Variants in PIK3CG observed in about 807,000 individuals in gnomAD.
The protein encoded by PIK3CG is phosphatidylinositol 4,5-bisphosphate 3-kinase catalytic subunit gamma isoform.
A neutral mutation model predicts 102.3 loss-of-function variants in PIK3CG; 55 were observed. The ratio of observed to expected loss-of-function variants is 0.54; its 90% CI spans 0.43 to 0.67. The LOEUF is 0.67. Among genes scored for constraint, PIK3CG ranks in the 30% least tolerant of loss-of-function variants. The probability of loss-of-function intolerance (pLI) is 0.00; values close to 1 mark genes in which losing one functional copy is unlikely to be tolerated. For missense variants in PIK3CG, 1,258 were observed against 1,391.8 expected (o/e 0.90, Z 1.53); for synonymous variants, 552 against 540.0 (o/e 1.02, Z -0.31).
At chr7:106,873,579 C>A (rs760339510) in intron 4 of PIK3CG, among the ~76,000 whole-genome samples, 3 of 152,090 alleles carry the variant, frequency 2.0e-5, no homozygotes, top group Non-Finnish European at 4.4e-5. Flanking sequence ...AGATGATTTA[C>A]AGTATATGGG....
At position 106,907,868 on chromosome 7, in the gene PIK3CG, C is replaced by G. The variant is rs1047158303; in HGVS notation, c.*2481C>G. Among the ~76,000 whole-genome samples, 1 of 141,170 alleles carries G rather than the reference C, an allele frequency of 7.1e-6. No homozygotes were observed. Among genetic ancestry groups the G allele is most frequent in the African/African-American group, 2.6e-5 (1 of 39,118 alleles). The allele number at this position is 141,170 out of a possible 152,430, so 92.6% of individuals were successfully genotyped here. The stretch of plus-strand genomic sequence containing the variant: ...TATATATATATATATCACAGTTGGG[C>G]TTGATTCTTCCGTATTCCAAAGAGC... On this transcript the variant is annotated 3_prime_UTR_variant, in exon 11 of 11. Coordinates refer to ENST00000496166, the MANE Select transcript of PIK3CG (RefSeq NM_001282426.2).
chr7:106,883,220 CAGT>C lies in PIK3CG; in HGVS notation c.2760+61_2760+63del. ...TCCTTACAAGTTGTCATTTATATAG[CAGT>C]AGTGGCTTCAAGTTTTCAGAGAATC... is the stretch of plus-strand genomic sequence containing the variant. On this transcript the variant is annotated intron_variant, in intron 8 of 10. Transcript: ENST00000496166. The surrounding 1 kb of genome is among the most constrained non-coding windows in gnomAD (Gnocchi z 5.8). 1 of 1,573,088 alleles carries C rather than the reference CAGT, an allele frequency of 6.4e-7. No homozygotes were observed. The highest frequency in any genetic ancestry group is 8.7e-7 in the Non-Finnish European group (1 of 1,146,588).
rs1359459537 is a variant in PIK3CG at position 106,891,975 on chromosome 7, G to A, written c.3030+5683G>A. Among the ~76,000 whole-genome samples the A allele has an allele frequency of 6.6e-6, 1 of 151,908 alleles. No homozygotes were observed. Among genetic ancestry groups the A allele is most frequent in the Non-Finnish European group, 1.5e-5 (1 of 67,984 alleles). Reference sequence around the variant, plus strand: ...TTTTAAGAACCTTTATTCAACCAGAGTCCATCTCTTCTGTGGTCTAGCTCT... The same window carrying A: ...TTTTAAGAACCTTTATTCAACCAGAATCCATCTCTTCTGTGGTCTAGCTCT... On this transcript the variant is annotated intron_variant, in intron 10 of 10. Transcript: ENST00000496166. The surrounding 1 kb of genome is among the most constrained non-coding windows in gnomAD (Gnocchi z 4.4).
rs1790638153 is a variant in PIK3CG at position 106,874,163 on chromosome 7, G to A, written c.2288-537G>A. Among the ~76,000 whole-genome samples, 1 of 152,084 alleles carries A rather than the reference G, an allele frequency of 6.6e-6. No homozygotes were observed. The highest frequency in any genetic ancestry group is 2.4e-5 in the African/African-American group (1 of 41,402). On this transcript the variant is annotated intron_variant, in intron 4 of 10. Transcript: ENST00000496166. This position sits in a 1 kb window ranked among gnomAD's most constrained non-coding sequence, Gnocchi z 4.3. ...AAACATTTGTACTGACCCTCATTCT[G>A]TCAGTCATCCAGTAATTTTTAATTC... is the stretch of plus-strand genomic sequence containing the variant.
chr7:106,871,809 C>T lies in PIK3CG; in HGVS notation c.1996-728C>T, dbSNP rs117723206. ...CAGTTCTTCCTCATCAGTAATGGAG[C>T]TGTACTAAGTCAATATTCTCTAACA... On this transcript the variant is annotated intron_variant, in intron 2 of 10. Coordinates refer to ENST00000496166, the MANE Select transcript of PIK3CG (RefSeq NM_001282426.2). Among the ~76,000 whole-genome samples the T allele has an allele frequency of 2.2e-3, 340 of 152,334 alleles. 1 individual carries two copies. The highest frequency in any genetic ancestry group is 3.4e-3 in the Non-Finnish European group (233 of 68,028).
Position 106,905,879 on chromosome 7 carries a change from T to C in PIK3CG, c.*492T>C, listed in dbSNP as rs1265491577. On this transcript the variant is annotated 3_prime_UTR_variant, in exon 11 of 11. Transcript: ENST00000496166. This position sits in a 1 kb window ranked among gnomAD's most constrained non-coding sequence, Gnocchi z 5.6. The stretch of plus-strand genomic sequence containing the variant: ...ACATCTCCTTAGTGTCTGCAGGTGT[T>C]AGTGGTGTGCTAAAAGCAAGGAAAG... The C allele has an allele frequency of 4.2e-6, 1 of 235,574 alleles. No individual in the cohort carries two copies. Among genetic ancestry groups the C allele is most frequent in the African/African-American group, 2.2e-5 (1 of 45,236 alleles). 14.6% of individuals were successfully genotyped at this position (235,574 alleles called of 1,614,324 possible). A position where few individuals can be genotyped will look rare whatever the true frequency, so the allele number is the denominator to read the frequency against.
In PIK3CG at chr7:106,890,552, T is replaced by C. The variant is rs975833017; in HGVS notation, c.3030+4260T>C. On this transcript the variant is annotated intron_variant, in intron 10 of 10. Transcript: ENST00000496166. The surrounding 1 kb of genome is among the most constrained non-coding windows in gnomAD (Gnocchi z 4.2). ...ATTAAAATCAAGAGCCAGCAAAATA[T>C]TGAAAATACCAAAAGACATAAAAAT... 2.0e-5 allele frequency among the ~76,000 whole-genome samples: 3 copies of C among 152,238 alleles called. No homozygotes were observed. Among genetic ancestry groups the C allele is most frequent in the Non-Finnish European group, 4.4e-5 (3 of 68,036 alleles).
chr7:106,874,636 G>A lies in PIK3CG; in HGVS notation c.2288-64G>A. 2.9e-6 allele frequency: 3 copies of A among 1,044,012 alleles called. No individual in the cohort carries two copies. The highest frequency in any genetic ancestry group is 2.4e-5 in the East Asian group (1 of 42,140). The allele number at this position is 1,044,012 out of a possible 1,614,324, so 64.7% of individuals were successfully genotyped here. A position where few individuals can be genotyped will look rare whatever the true frequency, so the allele number is the denominator to read the frequency against. On this transcript the variant is annotated intron_variant, in intron 4 of 10. Transcript: ENST00000496166. This position sits in a 1 kb window ranked among gnomAD's most constrained non-coding sequence, Gnocchi z 4.3. ...ATGAATAAATGTGTTCTCAGGAAAT[G>A]TAATAGATAATATTGATGATTTCTG...
rs1791604366 is a variant in PIK3CG at position 106,903,185 on chromosome 7, C to T, written c.3031-1924C>T. 6.6e-6 allele frequency among the ~76,000 whole-genome samples: 1 copy of T among 152,080 alleles called. No individual in the cohort carries two copies. The highest frequency in any genetic ancestry group is 1.5e-5 in the Non-Finnish European group (1 of 67,992). On this transcript the variant is annotated intron_variant, in intron 10 of 10. Coordinates refer to ENST00000496166, the MANE Select transcript of PIK3CG (RefSeq NM_001282426.2). This position sits in a 1 kb window ranked among gnomAD's most constrained non-coding sequence, Gnocchi z 4.3. ...TGGGAGAAGACTACTTACTGGTTCGCACTGTTTTTAATAATGTAGTTTTAT... is the reference window on the plus strand; with the variant it reads ...TGGGAGAAGACTACTTACTGGTTCGTACTGTTTTTAATAATGTAGTTTTAT...
At position 106,906,950 on chromosome 7, in the gene PIK3CG, A is replaced by T. The variant is rs2116624035; in HGVS notation, c.*1563A>T. ...TTATCAGCCTGGGCAACACAGTGAG[A>T]CTCCATCTCTTAAAAAAAAAATTAG... is the stretch of plus-strand genomic sequence containing the variant. On this transcript the variant is annotated 3_prime_UTR_variant, in exon 11 of 11. Transcript: ENST00000496166. 4.6e-6 allele frequency: 1 copy of T among 219,134 alleles called. No homozygotes were observed. The highest frequency in any genetic ancestry group is 5.9e-5 in the Admixed American group (1 of 16,986). The allele number at this position is 219,134 out of a possible 1,614,324, so 13.6% of individuals were successfully genotyped here.
In PIK3CG at chr7:106,907,812, T is replaced by TTA. The variant is rs933162659; in HGVS notation, c.*2437_*2438dup. Among the ~76,000 whole-genome samples the TTA allele has an allele frequency of 1.2e-4, 14 of 116,206 alleles. No homozygotes were observed. Among genetic ancestry groups the TTA allele is most frequent in the South Asian group, 1.0e-3 (4 of 3,832 alleles). The allele number at this position is 116,206 out of a possible 152,430, so 76.2% of individuals were successfully genotyped here. ...TATATCACACATATATATCACAGTT[T>TTA]TATATATATATATGTATGTGTGTGT... is the stretch of plus-strand genomic sequence containing the variant. On this transcript the variant is annotated 3_prime_UTR_variant, in exon 11 of 11. Coordinates refer to ENST00000496166, the MANE Select transcript of PIK3CG (RefSeq NM_001282426.2).
rs781560999 is a variant in PIK3CG, at chr7:106,867,651, C to T, written c.90C>T (p.Ala30=). 4.3e-6 allele frequency: 7 copies of T among 1,613,234 alleles called. No homozygotes were observed. In the African/African-American group the frequency reaches 9.3e-5, roughly 22 times the overall value. Residue 30 remains alanine (A), a synonymous_variant, in exon 2 of 11, where the codon GCC becomes GCT. Coordinates refer to ENST00000496166, the MANE Select transcript of PIK3CG (RefSeq NM_001282426.2). This position sits in a 1 kb window ranked among gnomAD's most constrained non-coding sequence, Gnocchi z 5.1. ...GGATGAAGCCGCGCAGTGCTGCGGC[C>T]AGCCTGTCCTCCATGGAGCTCATCC... The part of the protein sequence containing the change: ...RRRMKPRSAA[A]SLSSMELIPI...
rs1459118562 is a variant in PIK3CG at position 106,867,807 on chromosome 7, C to T, written c.246C>T (p.Ser82=). The T allele has an allele frequency of 1.9e-6, 3 of 1,612,490 alleles. No homozygotes were observed. The highest frequency in any genetic ancestry group is 1.7e-5 in the Admixed American group (1 of 60,026). Reference sequence around the variant, plus strand: ...TGTGGCTGCGAGCGCTGGAGACCAGCGTGGCGGCGGACTTCTACCACCGGC... The same window carrying T: ...TGTGGCTGCGAGCGCTGGAGACCAGTGTGGCGGCGGACTTCTACCACCGGC... ...AQVWLRALET[S]VAADFYHRLG... is the part of the protein sequence containing the mutation. Residue 82 remains serine (S), a synonymous_variant, in exon 2 of 11, where the codon AGC becomes AGT. Transcript: ENST00000496166. The surrounding 1 kb of genome is among the most constrained non-coding windows in gnomAD (Gnocchi z 5.1).
At position 106,877,311 on chromosome 7, in the gene PIK3CG, G is replaced by A. The variant is rs939504867; in HGVS notation, c.2392-2208G>A. Among the ~76,000 whole-genome samples the A allele has an allele frequency of 1.3e-5, 2 of 152,208 alleles. No homozygotes were observed. The highest frequency in any genetic ancestry group is 2.9e-5 in the Non-Finnish European group (2 of 68,038). ...AGACATTGTTGATGGTTATAACTGG[G>A]AGAATGCTATTGGCATCTAGTGGGT... is the stretch of plus-strand genomic sequence containing the variant. On this transcript the variant is annotated intron_variant, in intron 5 of 10. Coordinates refer to ENST00000496166, the MANE Select transcript of PIK3CG (RefSeq NM_001282426.2). The surrounding 1 kb of genome is among the most constrained non-coding windows in gnomAD (Gnocchi z 4.5).
At position 106,907,476 on chromosome 7, in the gene PIK3CG, A is replaced by G. The variant is rs10215499; in HGVS notation, c.*2089A>G. On this transcript the variant is annotated 3_prime_UTR_variant, in exon 11 of 11. Coordinates refer to ENST00000496166, the MANE Select transcript of PIK3CG (RefSeq NM_001282426.2). ...AAACATTTTGTGGCACTTCTGGACC[A>G]ACTATTCCCTACTATTCTTTTGAAG... 0.064 allele frequency among the ~76,000 whole-genome samples: 9,766 copies of G among 152,214 alleles called. 646 individuals carry two copies. Among genetic ancestry groups the G allele is most frequent in the East Asian group, 0.32 (1,649 of 5,162 alleles).
rs1790468379 is a variant in PIK3CG at position 106,869,773 on chromosome 7, G to A, written c.1995+217G>A. On this transcript the variant is annotated intron_variant, in intron 2 of 10. Transcript: ENST00000496166. This position sits in a 1 kb window ranked among gnomAD's most constrained non-coding sequence, Gnocchi z 5.3. ...GCTGACAAGGGTTTTGCAGACATTA[G>A]TACTTCACGTTTTTAGGAGAATTGG... Among the ~76,000 whole-genome samples, 1 of 152,134 alleles carries A rather than the reference G, an allele frequency of 6.6e-6. No homozygotes were observed. Among genetic ancestry groups the A allele is most frequent in the African/African-American group, 2.4e-5 (1 of 41,412 alleles).
chr7:106,904,722 A>G (rs927871935), intron 10 of PIK3CG, among the ~76,000 whole-genome samples: 1 of 152,234 alleles, frequency 6.6e-6, no homozygotes, highest in African/African-American at 2.4e-5. Context: ...AGTTCTTGGC[A>G]AACATTATTT....
In PIK3CG at chr7:106,867,657, G is replaced by C. The variant is rs1276751553; in HGVS notation, c.96G>C (p.Leu32=). The change falls in exon 2 of 11, where the codon CTG becomes CTC. Residue 32 remains leucine (L), a synonymous_variant. Transcript: ENST00000496166. This position sits in a 1 kb window ranked among gnomAD's most constrained non-coding sequence, Gnocchi z 5.1. Reference sequence around the variant, plus strand: ...AGCCGCGCAGTGCTGCGGCCAGCCTGTCCTCCATGGAGCTCATCCCCATCG... The same window carrying C: ...AGCCGCGCAGTGCTGCGGCCAGCCTCTCCTCCATGGAGCTCATCCCCATCG... ...RMKPRSAAAS[L]SSMELIPIEF... is the part of the protein sequence containing the mutation. The C allele has an allele frequency of 1.2e-6, 2 of 1,613,282 alleles. No individual in the cohort carries two copies. The highest frequency in any genetic ancestry group is 1.7e-6 in the Non-Finnish European group (2 of 1,180,030).
chr7:106,888,340 C>A (rs562175684), intron 10 of PIK3CG, among the ~76,000 whole-genome samples: 1 of 152,238 alleles, frequency 6.6e-6, no homozygotes, highest in East Asian at 1.9e-4. Context: ...TCCCATAGAC[C>A]CCCTGGTGCC....
Sources: gnomAD v4.1 joint callset for allele counts (sites outside exome capture counted in the v4.1 genomes callset) on GRCh38, gnomAD v4.1.1 for gene constraint, Gnocchi (gnomAD v3.1) non-coding constraint, MANE v1.5 for transcripts, NCBI Gene and HGNC (gene_info 2026-07-23, HGNC 2026-07-21) for gene names.